TSEN2: variants seen among roughly 807,000 people sequenced by gnomAD.
The protein encoded by TSEN2 is tRNA-splicing endonuclease subunit Sen2.
TSEN2 carries 54 observed loss-of-function variants against 59.2 expected under a neutral mutation model. That is an observed-to-expected ratio of 0.91 (90% confidence interval 0.73 to 1.14). TSEN2 has a LOEUF of 1.14. TSEN2 is among the 50% of genes most tolerant of loss of function. The pLI, the probability that TSEN2 is intolerant of heterozygous loss-of-function variation, is 0.00. For synonymous variants in TSEN2, 195 were observed against 198.2 expected, an observed-to-expected ratio of 0.98 and a Z score of 0.14; for missense variants, 636 against 576.2, an observed-to-expected ratio of 1.10 and a Z score of -1.06.
chr3:12,491,705 C>G (rs562713865), intron 2 of TSEN2, among the ~76,000 whole-genome samples: 2 of 152,286 alleles, frequency 1.3e-5, no homozygotes, highest in Non-Finnish European at 2.9e-5. Flanking sequence ...AATGTAAAGA[C>G]ATGAAAAGTG....
rs182975679 is a variant in TSEN2, at chr3:12,524,956, C to T, written c.1100-3932C>T. ...ACAGGATTTCACCATGTTTGCCAGG[C>T]TGGTCTCGAACTCCTGGCCTCAGGT... On this transcript the variant is annotated intron_variant, in intron 8 of 11. Transcript: ENST00000284995. Among the ~76,000 whole-genome samples the T allele has an allele frequency of 3.5e-3, 534 of 152,130 alleles. 12 individuals are homozygous for T. The highest frequency in any genetic ancestry group is 0.029 in the Admixed American group (441 of 15,276).
intron 5 of TSEN2, among the ~76,000 whole-genome samples, chr3:12,504,563 G>A (rs75287615): frequency 0.025 from 3,739 of 152,062 alleles, 67 homozygotes; most frequent in South Asian, 0.06. Flanking sequence ...AAAAACATAG[G>A]CACATGCTTA....
chr3:12,536,432 T>A (rs951321646), downstream of TSEN2, among the ~76,000 whole-genome samples: 4 of 152,172 alleles, frequency 2.6e-5, no homozygotes, highest in Non-Finnish European at 4.4e-5. Context: ...GAACATTGAT[T>A]GAGTCCCAGA....
intron 6 of TSEN2, among the ~76,000 whole-genome samples, chr3:12,509,010 G>A (rs115854568): frequency 0.026 from 3,961 of 152,150 alleles, 175 homozygotes; most frequent in African/African-American, 0.089. Context: ...ACAGGTGCAT[G>A]CTACACCATG....
chr3:12,503,137 T>G, intron 4 of TSEN2, 125 bp from the exon 5 acceptor site: 3 of 988,222 alleles, frequency 3.0e-6, no homozygotes, highest in Non-Finnish European at 1.6e-6. Context: ...TTATCTATAA[T>G]GCACCATTCA....
intron 6 of TSEN2, chr3:12,505,443 T>G: frequency 1.8e-6 from 1 of 540,686 alleles, no homozygotes; most frequent in East Asian, 3.1e-5. Context: ...TTTGCAATCA[T>G]TCCACAGAAG....
intron 2 of TSEN2, among the ~76,000 whole-genome samples, chr3:12,491,333 T>A (rs2053193048): frequency 6.6e-6 from 1 of 152,224 alleles, no homozygotes; most frequent in Non-Finnish European, 1.5e-5. Context: ...AAGGGGTGTT[T>A]GTTTTATTCT....
chr3:12,522,029 AAATAAAAAATAAAAATT>A (rs1392681531), intron 8 of TSEN2, among the ~76,000 whole-genome samples: 2 of 41,842 alleles, frequency 4.8e-5, no homozygotes, highest in African/African-American at 3.3e-4. Flanking sequence ...TAAAAAATAA[AAATAAAAAATAAAAATT>A]AAGATATTTT....
Sources: allele counts gnomAD v4.1 joint callset (sites outside exome capture counted in the v4.1 genomes callset), GRCh38; gene constraint gnomAD v4.1.1; transcripts MANE v1.5; gene names NCBI Gene and HGNC (gene_info 2026-07-23, HGNC 2026-07-21).